The following AOPEP variants were observed in gnomAD, a reference collection of about 807,000 sequenced individuals.
AOPEP encodes the protein aminopeptidase O (putative).
Under a neutral mutation model 98.1 loss-of-function variants are expected in AOPEP, and 77 were observed. The ratio of observed to expected loss-of-function variants is 0.78; its 90% confidence interval spans 0.65 to 0.95. AOPEP has a LOEUF of 0.95. Ranked by LOEUF, AOPEP falls within the 40% of genes least tolerant of loss-of-function variation. The pLI is 0.00. For synonymous variants in AOPEP, 346 were observed against 365.3 expected, an observed-to-expected ratio of 0.95 and a Z score of 0.60; for missense variants, 1,024 against 1,024.7, an observed-to-expected ratio of 1.00 and a Z score of 0.01.
At chr9:94,933,181 G>A (rs2055658162) in intron 7 of AOPEP, 2 of 985,588 alleles carry the variant, frequency 2.0e-6, no homozygotes, top group South Asian at 9.4e-5. Context: ...GTCCCCTCCT[G>A]ACTCGTGCAG....
chr9:95,104,760 G>A, the AOPEP span, among the ~76,000 whole-genome samples: 3 of 152,094 alleles, frequency 2.0e-5, no homozygotes, highest in Admixed American at 1.3e-4. Flanking sequence ...GACCCCTGCT[G>A]CTAAGCCTTC....
intron 5 of AOPEP, among the ~76,000 whole-genome samples, chr9:94,875,347 G>GCAA (rs2046800218): frequency 1.4e-5 from 1 of 71,526 alleles, no homozygotes; most frequent in Non-Finnish European, 2.6e-5. Context: ...AATTGAGCAA[G>GCAA]AAAAAAAAAA....
intron 5 of AOPEP, among the ~76,000 whole-genome samples, chr9:94,840,468 A>G (rs755104385): frequency 2.6e-5 from 4 of 152,006 alleles, no homozygotes; most frequent in Non-Finnish European, 4.4e-5. Flanking sequence ...CTTTTCCTGT[A>G]CTCTTGACTG....
At chr9:94,851,870 TG>T (rs565131141) in intron 5 of AOPEP, among the ~76,000 whole-genome samples, 3 of 151,234 alleles carry the variant, frequency 2.0e-5, no homozygotes, top group Admixed American at 6.6e-5. Context: ...TTATTTGGTA[TG>T]GGGTACAGCC....
At chr9:95,050,394 A>G (rs1429441986) in intron 13 of AOPEP, among the ~76,000 whole-genome samples, 4 of 152,188 alleles carry the variant, frequency 2.6e-5, no homozygotes, top group African/African-American at 7.2e-5. Context: ...TCTATTCCTC[A>G]TAACACTTTT....
chr9:95,118,666 T>C, the AOPEP span, among the ~76,000 whole-genome samples: 3 of 152,222 alleles, frequency 2.0e-5, no homozygotes, highest in Non-Finnish European at 4.4e-5. Context: ...GAACATAAAG[T>C]ATGTTTTCTT....
chr9:94,928,601 A>G (rs1588935639), intron 7 of AOPEP, 70 bp downstream of exon 7: 3 of 1,061,234 alleles, frequency 2.8e-6, no homozygotes, highest in East Asian at 2.6e-5. Context: ...CTCCCTGCCA[A>G]CTGATGACAT....
chr9:94,979,277 T>C (rs763372955), intron 10 of AOPEP, 90 bp from the exon 11 acceptor site: 1 of 804,104 alleles, frequency 1.2e-6, no homozygotes, highest in Non-Finnish European at 2.1e-6. Context: ...AGATCGATGC[T>C]GTGATGTACC....
At chr9:95,083,628 C>T (rs770049827) in intron 16 of AOPEP, among the ~76,000 whole-genome samples, 14 of 151,068 alleles carry the variant, frequency 9.3e-5, no homozygotes, top group African/African-American at 1.7e-4. Flanking sequence ...ACACTGCATG[C>T]AGCACACACA....
chr9:94,893,698 C>T (rs908340614), intron 5 of AOPEP, among the ~76,000 whole-genome samples: 2 of 152,146 alleles, frequency 1.3e-5, no homozygotes, highest in African/African-American at 4.8e-5. Context: ...CCTACCTTTA[C>T]TGAACAACAG....
At chr9:94,886,069 C>T (rs2048206782) in intron 5 of AOPEP, among the ~76,000 whole-genome samples, 1 of 151,960 alleles carries the variant, frequency 6.6e-6, no homozygotes, top group East Asian at 1.9e-4. Flanking sequence ...TAGAGTACTA[C>T]AAAAAAGGTG....
intron 5 of AOPEP, among the ~76,000 whole-genome samples, chr9:94,922,338 A>G (rs947406239): frequency 6.6e-6 from 1 of 151,778 alleles, no homozygotes; most frequent in Non-Finnish European, 1.5e-5. Flanking sequence ...CTCTGTAAGG[A>G]CGTGCGTGTC....
chr9:94,908,458 T>C (rs1055135386), intron 5 of AOPEP, among the ~76,000 whole-genome samples: 7 of 152,192 alleles, frequency 4.6e-5, no homozygotes, highest in African/African-American at 1.7e-4. Context: ...TTGAAAGCAC[T>C]TATCCCTCTA....
At chr9:95,041,477 G>GTGTGTGTGTGTA (rs1246531402) in intron 13 of AOPEP, among the ~76,000 whole-genome samples, 3 of 151,790 alleles carry the variant, frequency 2.0e-5, no homozygotes, top group Non-Finnish European at 4.4e-5. Flanking sequence ...GTGTGTGTGT[G>GTGTGTGTGTGTA]TGTGGAGAGG....
At chr9:95,034,123 C>T (rs1179841300) in intron 13 of AOPEP, among the ~76,000 whole-genome samples, 1 of 152,164 alleles carries the variant, frequency 6.6e-6, no homozygotes, top group Non-Finnish European at 1.5e-5. Context: ...GACGTTGATA[C>T]TGCTTTATTC....
intron 13 of AOPEP, among the ~76,000 whole-genome samples, chr9:95,046,530 T>C (rs1016055183): frequency 2.6e-5 from 4 of 152,270 alleles, no homozygotes; most frequent in Admixed American, 2.6e-4. Flanking sequence ...AATGTTCTTA[T>C]GCATTTGAAA....
At chr9:94,729,585 A>AT (rs1370585644) in intron 1 of AOPEP, among the ~76,000 whole-genome samples, 2 of 151,484 alleles carry the variant, frequency 1.3e-5, no homozygotes, top group Non-Finnish European at 2.9e-5. Flanking sequence ...TTAAAAAAAA[A>AT]AAAAAAAGAA....
chr9:94,872,876 C>T (rs912076754), intron 5 of AOPEP, among the ~76,000 whole-genome samples: 5 of 152,110 alleles, frequency 3.3e-5, no homozygotes, highest in African/African-American at 4.8e-5. Flanking sequence ...GGGGCAGTCA[C>T]GGGAGGCATC....
chr9:95,086,203 CGGCAGCACGGTGCCA>C (rs2070671952), intron 16 of AOPEP: 2 of 1,290,584 alleles, frequency 1.5e-6, no homozygotes, highest in Non-Finnish European at 2.0e-6. Context: ...CCCGGCCCGG[CGGCAGCACGGTGCCA>C]GTCATCTGCA....
Sources: allele counts gnomAD v4.1 joint callset (sites outside exome capture counted in the v4.1 genomes callset), GRCh38; gene constraint gnomAD v4.1.1; transcripts MANE v1.5; gene names NCBI Gene and HGNC (gene_info 2026-07-23, HGNC 2026-07-21).